CLGN: variants seen among roughly 807,000 people sequenced by gnomAD.
CLGN encodes the protein calmegin, also known as testis tissue sperm-binding protein Li 79P.
In CLGN, 62 loss-of-function variants were observed where a neutral mutation model predicts 79.1. The ratio of observed to expected loss-of-function variants is 0.78; its 90% CI spans 0.64 to 0.97. The LOEUF (loss-of-function observed/expected upper bound fraction) is 0.97. CLGN is among the 50% of genes least tolerant of loss of function. The probability of loss-of-function intolerance (pLI) is 0.00; values close to 1 mark genes in which losing one functional copy is unlikely to be tolerated. For synonymous variants in CLGN, 225 were observed against 224.7 expected (o/e 1.00, Z -0.01); for missense variants, 647 against 715.5 (o/e 0.90, Z 1.09).
Position 140,413,013 on chromosome 4 carries a change from C to T in CLGN, c.66G>A (p.Met22Ile). 6.2e-7 allele frequency: 1 copy of T among 1,613,252 alleles called. No individual in the cohort carries two copies. The highest frequency in any genetic ancestry group is 1.1e-5 in the South Asian group (1 of 91,026). The change falls in exon 2 of 15, where the codon ATG becomes ATA. Residue 22 changes from methionine (M) to isoleucine (I), a missense_variant. Physicochemically the swap from Met to Ile is conservative, Grantham distance 10. Coordinates refer to ENST00000325617, the MANE Select transcript of CLGN (RefSeq NM_004362.3). ...LLFISINAEF[M>I]DDDVETEDFE... Reference sequence around the variant, plus strand: ...AGTCTTCCGTCTCAACATCATCATCCATAAATTCTGCATTAATTGAGATGA... The same window carrying T: ...AGTCTTCCGTCTCAACATCATCATCTATAAATTCTGCATTAATTGAGATGA...
chr4:140,417,243 C>T (rs1435497017), intron 1 of CLGN, among the ~76,000 whole-genome samples: 2 of 130,656 alleles, frequency 1.5e-5, no homozygotes, highest in Non-Finnish European at 3.2e-5. Flanking sequence ...CAGCCAATAT[C>T]ATACTGAATG....
chr4:140,402,159 T>C (rs2126621579), intron 5 of CLGN, 93 bp from the exon 6 acceptor site: 1 of 636,002 alleles, frequency 1.6e-6, no homozygotes, highest in East Asian at 3.2e-5. Flanking sequence ...TTCATGTAAG[T>C]ATAAATTTTT....
At chr4:140,421,920 T>C (rs1158650296) in intron 1 of CLGN, among the ~76,000 whole-genome samples, 1 of 152,146 alleles carries the variant, frequency 6.6e-6, no homozygotes, top group Admixed American at 6.5e-5. Context: ...AGTTTTCTTA[T>C]GTTTAAGTCT....
At position 140,392,218 on chromosome 4, in the gene CLGN, C is replaced by T. The variant is rs763781913; in HGVS notation, c.1651+1G>A. On this transcript the variant is annotated splice_donor_variant, in intron 13 of 14. Transcript: ENST00000325617. LOFTEE classifies it high-confidence loss of function. ...ATTATAAATCACTCTCATCATCTTA[C>T]CTTTTTCAAGCATTTCACCATCATT... is the stretch of plus-strand genomic sequence containing the variant. 7 of 1,612,046 alleles carry T rather than the reference C, an allele frequency of 4.3e-6. No homozygotes were observed. In the South Asian group the frequency reaches 7.7e-5, roughly 18 times the overall value.
At chr4:140,416,962 C>G (rs1391087512) in intron 1 of CLGN, among the ~76,000 whole-genome samples, 4 of 152,114 alleles carry the variant, frequency 2.6e-5, no homozygotes, top group Non-Finnish European at 5.9e-5. Context: ...TAAAATACTG[C>G]CAAACTGAAT....
intron 4 of CLGN, among the ~76,000 whole-genome samples, chr4:140,406,327 CTAAT>C (rs1416484136): frequency 2.0e-5 from 3 of 151,976 alleles, no homozygotes; most frequent in East Asian, 1.9e-4. Context: ...ACTATAGTGT[CTAAT>C]TAAGTCACTC....
In CLGN at chr4:140,392,398, T is replaced by A. The variant is rs754522180; in HGVS notation, c.1492-20A>T. ...TTTTTTCTGTGGTAGTTAACATAAG[T>A]TATTTTTACTAAAGGCAGAGTGCTA... On this transcript the variant is annotated intron_variant, in intron 12 of 14. Coordinates refer to ENST00000325617, the MANE Select transcript of CLGN (RefSeq NM_004362.3). 6.4e-7 allele frequency: 1 copy of A among 1,573,816 alleles called. No individual in the cohort carries two copies. The highest frequency in any genetic ancestry group is 8.6e-7 in the Non-Finnish European group (1 of 1,164,792).
intron 8 of CLGN, among the ~76,000 whole-genome samples, chr4:140,397,441 T>C (rs1396419780): frequency 1.3e-5 from 2 of 151,244 alleles, no homozygotes; most frequent in East Asian, 3.9e-4. Flanking sequence ...GTGTGTTTTT[T>C]GAAATAGTTT....
At chr4:140,391,577 G>A (rs531361726) in intron 13 of CLGN, among the ~76,000 whole-genome samples, 1 of 151,846 alleles carries the variant, frequency 6.6e-6, no homozygotes, top group South Asian at 2.1e-4. Flanking sequence ...GTTTCATTAA[G>A]TGAGTTAAAC....
At chr4:140,392,187 G>A (rs372434890) in intron 13 of CLGN, 32 bp downstream of exon 13, 14 of 1,605,208 alleles carry the variant, frequency 8.7e-6, no homozygotes, top group African/African-American at 1.3e-5. Context: ...TTTACCCAGA[G>A]TCTCCATTAT....
In CLGN at chr4:140,410,617, T is replaced by C. The variant is rs756184982; in HGVS notation, c.154A>G (p.Lys52Glu). ...ESELSSEIKY[K>E]TPQPIGEVYF... ...ACTTCTCCTATAGGTTGAGGTGTCTTATATTTAATCTAGAAAAGAGATTTT... is the reference window on the plus strand; with the variant it reads ...ACTTCTCCTATAGGTTGAGGTGTCTCATATTTAATCTAGAAAAGAGATTTT... The change falls in exon 3 of 15, where the codon AAG becomes GAG. Residue 52 changes from lysine to glutamate, a missense_variant. Physicochemically the swap from Lys to Glu is moderately conservative, Grantham distance 56. Transcript: ENST00000325617. 3 of 1,574,132 alleles carry C rather than the reference T, an allele frequency of 1.9e-6. No individual in the cohort carries two copies. Among genetic ancestry groups the C allele is most frequent in the Non-Finnish European group, 1.7e-6 (2 of 1,146,794 alleles).
Position 140,393,178 on chromosome 4 carries a change from T to C in CLGN, c.1366-467A>G, listed in dbSNP as rs138178052. On this transcript the variant is annotated intron_variant, in intron 11 of 14. Coordinates refer to ENST00000325617, the MANE Select transcript of CLGN (RefSeq NM_004362.3). ...CCCTCAGTAAGGATATTATTTCTCTTATTAAAATAAAATTTAAAAAATCAA... is the reference window on the plus strand; with the variant it reads ...CCCTCAGTAAGGATATTATTTCTCTCATTAAAATAAAATTTAAAAAATCAA... Among the ~76,000 whole-genome samples, 580 of 152,166 alleles carry C rather than the reference T, an allele frequency of 3.8e-3. 4 individuals are homozygous for C. The highest frequency in any genetic ancestry group is 0.012 in the South Asian group (59 of 4,826).
chr4:140,421,758 T>G (rs1729474533), intron 1 of CLGN, among the ~76,000 whole-genome samples: 1 of 152,126 alleles, frequency 6.6e-6, no homozygotes, highest in Admixed American at 6.5e-5. Flanking sequence ...GTTTTTCATT[T>G]TGTTGTGTTC....
chr4:140,403,782 A>T (rs2126622680), intron 5 of CLGN, among the ~76,000 whole-genome samples: 1 of 152,346 alleles, frequency 6.6e-6, no homozygotes, highest in East Asian at 1.9e-4. Context: ...TTTACCTAGT[A>T]TAAATGATTC....
intron 8 of CLGN, 141 bp from the exon 9 acceptor site, chr4:140,396,346 C>T: frequency 1.4e-6 from 1 of 735,284 alleles, no homozygotes. Context: ...CCACCTAAAT[C>T]TTTTGCTAAC....
At chr4:140,411,327 T>C (rs1729206642) in intron 2 of CLGN, among the ~76,000 whole-genome samples, 1 of 152,088 alleles carries the variant, frequency 6.6e-6, no homozygotes, top group Admixed American at 6.5e-5. Flanking sequence ...AGAACTTACA[T>C]ATAAAGCCAA....
chr4:140,427,281 T>G lies in CLGN; in HGVS notation c.-10+256A>C, dbSNP rs541127630. On this transcript the variant is annotated intron_variant, in intron 1 of 14. Transcript: ENST00000325617. ...GCGCAGCAGGTGGATGCGGCGGTGC[T>G]GAAGACACAAAGGGTCCCAGGTGGC... Among the ~76,000 whole-genome samples the G allele has an allele frequency of 1.4e-4, 21 of 152,224 alleles. No homozygotes were observed. In the South Asian group the frequency reaches 4.4e-3, roughly 32 times the overall value.
At chr4:140,413,721 C>T (rs546992944) in intron 1 of CLGN, among the ~76,000 whole-genome samples, 1 of 152,166 alleles carries the variant, frequency 6.6e-6, no homozygotes, top group Non-Finnish European at 1.5e-5. Flanking sequence ...CACGGAGTCT[C>T]GCTGATTAAT....
chr4:140,416,483 G>A (rs1275493262), intron 1 of CLGN, among the ~76,000 whole-genome samples: 1 of 151,772 alleles, frequency 6.6e-6, no homozygotes, highest in Non-Finnish European at 1.5e-5. Context: ...AAAGAGAGAA[G>A]AATCTAATAG....
Sources: gnomAD v4.1 joint callset for allele counts (sites outside exome capture counted in the v4.1 genomes callset) on GRCh38, gnomAD v4.1.1 for gene constraint, MANE v1.5 for transcripts, NCBI Gene and HGNC (gene_info 2026-07-23, HGNC 2026-07-21) for gene names.